PPP4R2: variants seen among roughly 807,000 people sequenced by gnomAD.
PPP4R2 encodes the protein serine/threonine-protein phosphatase 4 regulatory subunit 2.
Under a neutral mutation model 47.2 loss-of-function variants are expected in PPP4R2, and 13 were observed. The ratio of observed to expected loss-of-function variants is 0.28; its 90% CI spans 0.18 to 0.44. The LOEUF (loss-of-function observed/expected upper bound fraction) is 0.44. PPP4R2 is among the 20% of genes least tolerant of loss of function. The pLI, the probability that PPP4R2 is intolerant of heterozygous loss-of-function variation, is 1.00. For synonymous variants in PPP4R2, 151 were observed against 163.3 expected (o/e 0.92, Z 0.57); for missense variants, 421 against 491.2 (o/e 0.86, Z 1.35).
chr3:73,031,523 C>G (rs1400372884), intron 2 of PPP4R2, among the ~76,000 whole-genome samples: 1 of 151,536 alleles, frequency 6.6e-6, no homozygotes, highest in Non-Finnish European at 1.5e-5. Context: ...CCCTGGGCAA[C>G]AGAGTGAAAC....
chr3:73,062,302 A>T, intron 5 of PPP4R2: 1 of 1,607,650 alleles, frequency 6.2e-7, no homozygotes, highest in South Asian at 1.1e-5. Context: ...CCTGACCTTC[A>T]AGGAAGATTT....
At position 73,042,651 on chromosome 3, in the gene PPP4R2, C is replaced by T. The variant is rs550934722; in HGVS notation, c.117-4535C>T. Among the ~76,000 whole-genome samples, 10 of 152,154 alleles carry T rather than the reference C, an allele frequency of 6.6e-5. No individual in the cohort carries two copies. The South Asian group carries it at 1.5e-3, about 22-fold the overall frequency. On this transcript the variant is annotated intron_variant, in intron 2 of 8. Transcript: ENST00000356692. ...GTGCTGGGATTACATCCGTGAGCCA[C>T]CGCGCCTGGCCCCTGAATTATATAA...
At chr3:73,014,584 C>T (rs1466018931) in intron 2 of PPP4R2, among the ~76,000 whole-genome samples, 1 of 152,132 alleles carries the variant, frequency 6.6e-6, no homozygotes, top group Non-Finnish European at 1.5e-5. Context: ...AGGCATGAGC[C>T]ATTGTGCAGA....
At chr3:73,025,674 G>A (rs916958296) in intron 2 of PPP4R2, among the ~76,000 whole-genome samples, 6 of 152,344 alleles carry the variant, frequency 3.9e-5, no homozygotes, top group Admixed American at 3.3e-4. Context: ...CAAAGGAATA[G>A]TAAAGTTCAG....
intron 2 of PPP4R2, among the ~76,000 whole-genome samples, chr3:73,019,530 C>T (rs1701917214): frequency 6.6e-6 from 1 of 152,110 alleles, no homozygotes; most frequent in African/African-American, 2.4e-5. Context: ...TGTGCCACCA[C>T]ACCCGGCTAA....
chr3:73,001,708 G>A (rs559469338), intron 2 of PPP4R2, among the ~76,000 whole-genome samples: 12 of 151,930 alleles, frequency 7.9e-5, no homozygotes, highest in African/African-American at 2.4e-4. Flanking sequence ...GCGCGATCTC[G>A]GCTCACTTCA....
rs1188310548 is a variant in PPP4R2 at position 73,047,262 on chromosome 3, C to G, written c.193C>G (p.Pro65Ala). 3.1e-6 allele frequency: 5 copies of G among 1,607,872 alleles called. No homozygotes were observed. Among genetic ancestry groups the G allele is most frequent in the Non-Finnish European group, 4.3e-6 (5 of 1,175,670 alleles). ...GATGGATGATTTCAGAACTTCAGCT[C>G]CTGAGCCAAGAGGTCCTCCCAACCC... ...KVMDDFRTSA[P>A]EPRGPPNPNV... Residue 65 changes from proline (P) to alanine (A), a missense_variant, in exon 3 of 9, where the codon CCT (proline) becomes GCT (alanine). Pro to Ala is a conservative substitution (Grantham distance 27). Transcript: ENST00000356692.
chr3:73,064,419 A>G (rs1371299797), intron 7 of PPP4R2, among the ~76,000 whole-genome samples: 1 of 152,222 alleles, frequency 6.6e-6, no homozygotes, highest in Non-Finnish European at 1.5e-5. Context: ...TCTGAAAGTT[A>G]CTTGAAAAGA....
rs536498234 is a variant in PPP4R2, at chr3:73,050,659, A to G, written c.287+3303A>G. 9.2e-5 allele frequency among the ~76,000 whole-genome samples: 14 copies of G among 152,310 alleles called. No individual in the cohort carries two copies. The South Asian group carries it at 1.5e-3, about 16-fold the overall frequency. ...TAAAGAATGAAAGTAGAATCATGCT[A>G]TATGCTAGTGGTATTTTCCTTTTAG... On this transcript the variant is annotated intron_variant, in intron 3 of 8. Transcript: ENST00000356692.
chr3:73,024,364 TAGG>T (rs979943338), intron 2 of PPP4R2, among the ~76,000 whole-genome samples: 7 of 152,150 alleles, frequency 4.6e-5, no homozygotes, highest in African/African-American at 9.6e-5. Context: ...TGATCTGTCT[TAGG>T]AGGATTGTCA....
chr3:73,056,862 A>G (rs75372658), intron 3 of PPP4R2, among the ~76,000 whole-genome samples: 18,618 of 152,236 alleles, frequency 0.12, 1,427 homozygotes, highest in East Asian at 0.36. Context: ...ACTAATTTTA[A>G]TTAGTGAGAA....
At chr3:72,998,839 T>C (rs1159089896) in intron 2 of PPP4R2, among the ~76,000 whole-genome samples, 2 of 152,228 alleles carry the variant, frequency 1.3e-5, no homozygotes, top group Non-Finnish European at 2.9e-5. Flanking sequence ...ACAATCTGGC[T>C]AAGTTTATTT....
chr3:73,026,389 C>G (rs959278663), intron 2 of PPP4R2, among the ~76,000 whole-genome samples: 1 of 152,124 alleles, frequency 6.6e-6, no homozygotes, highest in East Asian at 1.9e-4. Context: ...TTAAAAGATA[C>G]ATGCAAGGGG....
chr3:73,016,483 C>T (rs866812001), intron 2 of PPP4R2, among the ~76,000 whole-genome samples: 2 of 152,088 alleles, frequency 1.3e-5, no homozygotes, highest in Non-Finnish European at 2.9e-5. Flanking sequence ...GGTTGAGAGA[C>T]TGCTTTATAG....
At chr3:73,016,739 A>T (rs9862644) in intron 2 of PPP4R2, among the ~76,000 whole-genome samples, 42,655 of 96,016 alleles carry the variant, frequency 0.44, 11,278 homozygotes, top group African/African-American at 0.54. Context: ...GTTTATTTTT[A>T]TTATTTTTTT....
At chr3:73,035,731 T>G (rs1330463838) in intron 2 of PPP4R2, among the ~76,000 whole-genome samples, 1 of 152,028 alleles carries the variant, frequency 6.6e-6, no homozygotes, top group Non-Finnish European at 1.5e-5. Context: ...TTCAAGTGAT[T>G]CTCCTGCTTC....
intron 3 of PPP4R2, among the ~76,000 whole-genome samples, chr3:73,055,417 C>CGTGTGTGTGTGTGT (rs10663655): frequency 0.013 from 1,852 of 137,392 alleles, 28 homozygotes; most frequent in Non-Finnish European, 0.017. Flanking sequence ...AGTGGGGTAG[C>CGTGTGTGTGTGTGT]GTGTGTGTGT....
chr3:73,016,725 C>A (rs1313106224), intron 2 of PPP4R2, among the ~76,000 whole-genome samples: 1 of 81,664 alleles, frequency 1.2e-5, no homozygotes, highest in Non-Finnish European at 2.5e-5. Flanking sequence ...TTTATTGGTT[C>A]ATTGTTTATT....
At chr3:73,016,680 T>C (rs923680696) in intron 2 of PPP4R2, among the ~76,000 whole-genome samples, 2 of 151,902 alleles carry the variant, frequency 1.3e-5, no homozygotes, top group African/African-American at 2.4e-5. Context: ...CTAGATGTTT[T>C]TGTGTTTATT....
Sources: gnomAD v4.1 joint callset for allele counts (sites outside exome capture counted in the v4.1 genomes callset) on GRCh38, gnomAD v4.1.1 for gene constraint, MANE v1.5 for transcripts, NCBI Gene and HGNC (gene_info 2026-07-23, HGNC 2026-07-21) for gene names.